SULF2: variants seen among roughly 807,000 people sequenced by gnomAD.
SULF2 encodes the protein sulfatase 2.
SULF2 carries 52 observed loss-of-function variants against 107.7 expected under a neutral mutation model. That is an observed-to-expected ratio of 0.48 (90% CI 0.39 to 0.61). SULF2 has a LOEUF of 0.61. Among genes scored for constraint, SULF2 ranks in the 20% least tolerant of loss-of-function variants. The probability of loss-of-function intolerance (pLI) is 0.00; values close to 1 mark genes in which losing one functional copy is unlikely to be tolerated. For synonymous variants in SULF2, 460 were observed against 464.3 expected, an observed-to-expected ratio of 0.99 and a Z score of 0.12; for missense variants, 993 against 1,177.3, an observed-to-expected ratio of 0.84 and a Z score of 2.29.
chr20:47,775,575 A>C (rs2090709409), intron 1 of SULF2, among the ~76,000 whole-genome samples: 1 of 152,258 alleles, frequency 6.6e-6, no homozygotes. Context: ...CAGAAATGTC[A>C]CAAATGACTA....
chr20:47,661,592 T>A, intron 18 of SULF2, 181 bp downstream of exon 18: 1 of 475,918 alleles, frequency 2.1e-6, no homozygotes, highest in Non-Finnish European at 3.6e-6. Flanking sequence ...CTCTCAGGAA[T>A]CACAGCTTGT....
chr20:47,676,741 G>C, intron 9 of SULF2, 118 bp from the exon 10 acceptor site: 3 of 1,270,362 alleles, frequency 2.4e-6, no homozygotes, highest in Non-Finnish European at 3.2e-6. Flanking sequence ...TCACAGTGGA[G>C]GGCGCAGGGC....
chr20:47,707,143 C>T (rs1490013126), intron 3 of SULF2, among the ~76,000 whole-genome samples: 3 of 151,900 alleles, frequency 2.0e-5, no homozygotes, highest in Non-Finnish European at 2.9e-5. Flanking sequence ...GCATGGCCAC[C>T]ACACCTGGCT....
chr20:47,765,335 C>T lies in SULF2; in HGVS notation c.-100-7872G>A, dbSNP rs1182965080. On this transcript the variant is annotated intron_variant, in intron 1 of 20. Transcript: ENST00000688720. ...AGCCACTGTACTCCAGCCTGGGTGA[C>T]AGAGCGACACTGCCTTAAAAAAAAA... Among the ~76,000 whole-genome samples the T allele has an allele frequency of 2.0e-5, 3 of 146,576 alleles. No homozygotes were observed. The South Asian group carries it at 6.6e-4, about 32-fold the overall frequency.
At chr20:47,663,009 GCCTA>G (rs1243830441) in intron 17 of SULF2, 57 bp downstream of exon 17, 3 of 1,594,472 alleles carry the variant, frequency 1.9e-6, no homozygotes, top group Non-Finnish European at 2.6e-6. Flanking sequence ...GTTGGGGGGG[GCCTA>G]CCTGGCAGCA....
At chr20:47,705,594 G>C (rs557859785) in intron 3 of SULF2, among the ~76,000 whole-genome samples, 7 of 152,220 alleles carry the variant, frequency 4.6e-5, no homozygotes, top group Admixed American at 2.0e-4. Context: ...GGCCAGAAAG[G>C]GGGTAATTTC....
At chr20:47,757,524 G>A in intron 1 of SULF2, 61 bp from the exon 2 acceptor site, 1 of 811,242 alleles carries the variant, frequency 1.2e-6, no homozygotes, top group Non-Finnish European at 1.9e-6. Context: ...GCTCATTCTT[G>A]CATAATGATT....
chr20:47,758,530 G>T (rs2090347595), intron 1 of SULF2, among the ~76,000 whole-genome samples: 2 of 152,138 alleles, frequency 1.3e-5, no homozygotes, highest in African/African-American at 4.8e-5. Context: ...GCGCTAAAAG[G>T]TGGAGGGGGA....
intron 3 of SULF2, among the ~76,000 whole-genome samples, chr20:47,717,473 GAGAGGC>G (rs917300383): frequency 7.2e-5 from 11 of 152,190 alleles, no homozygotes; most frequent in African/African-American, 2.7e-4. Context: ...CGGGGACGCA[GAGAGGC>G]AGGGAAGAGG....
At chr20:47,721,404 C>T (rs1326056792) in intron 3 of SULF2, among the ~76,000 whole-genome samples, 1 of 151,300 alleles carries the variant, frequency 6.6e-6, no homozygotes, top group Non-Finnish European at 1.5e-5. Context: ...GAATTTCACT[C>T]GTTACCCAGA....
intron 4 of SULF2, 40 bp downstream of exon 4, chr20:47,702,479 G>T: frequency 6.3e-7 from 1 of 1,598,256 alleles, no homozygotes. Flanking sequence ...TAACTGCTGG[G>T]CCACACAGCC....
At chr20:47,770,517 T>C in intron 1 of SULF2, among the ~76,000 whole-genome samples, 1 of 152,206 alleles carries the variant, frequency 6.6e-6, no homozygotes, top group East Asian at 1.9e-4. Flanking sequence ...AATGAATGAA[T>C]AACTGCACGG....
At chr20:47,695,074 C>T (rs1009267532) in intron 4 of SULF2, among the ~76,000 whole-genome samples, 8 of 152,174 alleles carry the variant, frequency 5.3e-5, no homozygotes, top group African/African-American at 2.4e-5. Context: ...ATGCACAAAC[C>T]GTTCCTGTAA....
At chr20:47,759,055 G>C (rs898846302) in intron 1 of SULF2, among the ~76,000 whole-genome samples, 1 of 152,172 alleles carries the variant, frequency 6.6e-6, no homozygotes, top group Non-Finnish European at 1.5e-5. Flanking sequence ...GCAGCCGGAG[G>C]AATCTTCCTA....
intron 1 of SULF2, among the ~76,000 whole-genome samples, chr20:47,759,341 C>T (rs1047463140): frequency 2.6e-5 from 4 of 152,288 alleles, no homozygotes; most frequent in Admixed American, 1.3e-4. Context: ...TTCTTTCTGT[C>T]GAATGGACAA....
At chr20:47,674,600 C>T (rs1057171444) in intron 10 of SULF2, among the ~76,000 whole-genome samples, 1 of 152,202 alleles carries the variant, frequency 6.6e-6, no homozygotes, top group Non-Finnish European at 1.5e-5. Flanking sequence ...GGGCCCTGCC[C>T]TTAGGATGTC....
chr20:47,732,859 A>C (rs1443926418), intron 3 of SULF2, among the ~76,000 whole-genome samples: 2 of 152,196 alleles, frequency 1.3e-5, no homozygotes, highest in Non-Finnish European at 2.9e-5. Context: ...AAACAAAAAA[A>C]CAAAGAAAAC....
At chr20:47,712,710 C>T (rs2088973754) in intron 3 of SULF2, among the ~76,000 whole-genome samples, 1 of 152,168 alleles carries the variant, frequency 6.6e-6, no homozygotes, top group Non-Finnish European at 1.5e-5. Flanking sequence ...CCCAGGAGTG[C>T]AGGAGAGGTG....
chr20:47,742,543 G>C (rs1360667504), intron 2 of SULF2, among the ~76,000 whole-genome samples: 1 of 152,058 alleles, frequency 6.6e-6, no homozygotes, highest in African/African-American at 2.4e-5. Context: ...CCACCCAACT[G>C]CTAGAATGCA....
Sources: allele counts gnomAD v4.1 joint callset (sites outside exome capture counted in the v4.1 genomes callset), GRCh38; gene constraint gnomAD v4.1.1; transcripts MANE v1.5; gene names NCBI Gene and HGNC (gene_info 2026-07-23, HGNC 2026-07-21).